SLC14A2: variants seen among roughly 807,000 people sequenced by gnomAD.
The protein encoded by SLC14A2 is solute carrier family 14 member 2, also known as urea transporter 2.
Under a neutral mutation model 104.6 loss-of-function variants are expected in SLC14A2, and 91 were observed. The observed-to-expected ratio is 0.87, with a 90% CI of 0.73 to 1.04. The LOEUF is 1.04. Ranked by LOEUF, SLC14A2 falls within the 50% of genes least tolerant of loss-of-function variation. SLC14A2 has a pLI of 0.00. For missense variants in SLC14A2, 1,189 were observed against 1,156.0 expected (o/e 1.03, Z -0.41); for synonymous variants, 476 against 466.4 (o/e 1.02, Z -0.27).
chr18:45,485,973 T>A (rs1445114615), intron 2 of SLC14A2, among the ~76,000 whole-genome samples: 1 of 151,918 alleles, frequency 6.6e-6, no homozygotes, highest in East Asian at 1.9e-4. Flanking sequence ...GTTTTTCTCA[T>A]CTGTCAAATC....
intron 2 of SLC14A2, among the ~76,000 whole-genome samples, chr18:45,554,739 G>T (rs911120000): frequency 3.3e-5 from 5 of 152,136 alleles, no homozygotes; most frequent in East Asian, 1.9e-4. Flanking sequence ...AGCAGGCAGG[G>T]TATAAGACCA....
intron 4 of SLC14A2, among the ~76,000 whole-genome samples, chr18:45,629,024 C>A (rs577251659): frequency 2.0e-5 from 3 of 152,186 alleles, no homozygotes; most frequent in African/African-American, 7.2e-5. Flanking sequence ...CAGTGGGTGG[C>A]AGGACTTAGG....
At chr18:45,671,788 C>T (rs1340530104) in intron 16 of SLC14A2, among the ~76,000 whole-genome samples, 1 of 152,034 alleles carries the variant, frequency 6.6e-6, no homozygotes, top group Non-Finnish European at 1.5e-5. Flanking sequence ...GAAGAGCGTC[C>T]TTGCCTTAAT....
chr18:45,216,363 G>A (rs1394008405), intron 1 of SLC14A2, among the ~76,000 whole-genome samples: 1 of 152,186 alleles, frequency 6.6e-6, no homozygotes, highest in Non-Finnish European at 1.5e-5. Flanking sequence ...GGGGGTGCCT[G>A]TGGCCTGTCC....
rs763235524 is a variant in SLC14A2 at position 45,624,768 on chromosome 18, C to T, written c.104C>T (p.Pro35Leu). ...FTSPSWPSTS[P>L]DTHPALPLLE... ...AGCCCGAGCTGGCCCTCGACATCCCCGGATACTCACCCAGCTCTGCCCCTC... is the reference window on the plus strand; with the variant it reads ...AGCCCGAGCTGGCCCTCGACATCCCTGGATACTCACCCAGCTCTGCCCCTC... Residue 35 changes from proline to leucine, a missense_variant, in exon 2 of 20, where the codon CCG becomes CTG. By Grantham distance (98) the Pro-to-Leu change is moderately conservative (BLOSUM62 -3). Transcript: ENST00000255226. 1.5e-5 allele frequency: 24 copies of T among 1,613,142 alleles called. No individual in the cohort carries two copies. The highest frequency in any genetic ancestry group is 1.8e-5 in the Non-Finnish European group (21 of 1,179,694).
At chr18:45,235,877 ATATATACATATATGTGTGTATG>A (rs2084225223) in intron 1 of SLC14A2, among the ~76,000 whole-genome samples, 3 of 127,414 alleles carry the variant, frequency 2.4e-5, no homozygotes, top group African/African-American at 9.3e-5. Flanking sequence ...GTATATATGT[ATATATACATATATGTGTGTATG>A]TATGTATATA....
chr18:45,327,518 T>C (rs2144252844), intron 1 of SLC14A2, among the ~76,000 whole-genome samples: 1 of 152,222 alleles, frequency 6.6e-6, no homozygotes, highest in South Asian at 2.1e-4. Flanking sequence ...ACTTTACCCA[T>C]TCAAAAACCC....
At chr18:45,520,039 CTT>C (rs1429898860) in intron 2 of SLC14A2, among the ~76,000 whole-genome samples, 3 of 152,214 alleles carry the variant, frequency 2.0e-5, no homozygotes, top group Non-Finnish European at 2.9e-5. Context: ...GCTTAGATCT[CTT>C]TGGGCCAATG....
chr18:45,674,998 G>T (rs1196912751), intron 18 of SLC14A2, among the ~76,000 whole-genome samples: 1 of 152,208 alleles, frequency 6.6e-6, no homozygotes, highest in African/African-American at 2.4e-5. Flanking sequence ...GCTGAGACAT[G>T]AAGCTAGGTC....
intron 1 of SLC14A2, among the ~76,000 whole-genome samples, chr18:45,399,095 T>C (rs2086067450): frequency 6.6e-6 from 1 of 152,166 alleles, no homozygotes; most frequent in Non-Finnish European, 1.5e-5. Flanking sequence ...AGAAGTAAAT[T>C]CTATGATTGC....
the SLC14A2 span, among the ~76,000 whole-genome samples, chr18:45,181,868 T>C: frequency 1.3e-5 from 2 of 152,188 alleles, no homozygotes; most frequent in Non-Finnish European, 2.9e-5. Flanking sequence ...ATAATGAGTT[T>C]CCATTAATAT....
chr18:45,527,543 G>T (rs548410463), intron 2 of SLC14A2, among the ~76,000 whole-genome samples: 1 of 152,198 alleles, frequency 6.6e-6, no homozygotes, highest in South Asian at 2.1e-4. Flanking sequence ...CAAAAAGAAA[G>T]ACAACATTTA....
At chr18:45,179,330 C>T in the SLC14A2 span, among the ~76,000 whole-genome samples, 1 of 152,210 alleles carries the variant, frequency 6.6e-6, no homozygotes, top group Non-Finnish European at 1.5e-5. Context: ...GCTTCCCTCT[C>T]TCCCATCAGC....
chr18:45,531,767 T>C (rs1479146131), intron 2 of SLC14A2, among the ~76,000 whole-genome samples: 1 of 152,152 alleles, frequency 6.6e-6, no homozygotes, highest in African/African-American at 2.4e-5. Context: ...AGACATGAAG[T>C]CCTTGCCCAT....
chr18:45,322,761 A>G (rs1266430806), intron 1 of SLC14A2, among the ~76,000 whole-genome samples: 1 of 152,206 alleles, frequency 6.6e-6, no homozygotes, highest in Non-Finnish European at 1.5e-5. Flanking sequence ...CCACACAGCA[A>G]TCTATTTGCA....
At chr18:45,636,945 C>G (rs369314368) in intron 5 of SLC14A2, 45 bp from the exon 6 acceptor site, 17 of 1,511,488 alleles carry the variant, frequency 1.1e-5, no homozygotes, top group Non-Finnish European at 1.4e-5. Context: ...CAATGTAGAC[C>G]TCAGGATGTC....
intron 2 of SLC14A2, among the ~76,000 whole-genome samples, chr18:45,500,723 A>G (rs1207212054): frequency 6.6e-6 from 1 of 152,216 alleles, no homozygotes; most frequent in East Asian, 1.9e-4. Context: ...TCTTTACTTC[A>G]CTGCACCCAG....
chr18:45,673,647 C>T (rs768295262), intron 17 of SLC14A2, 36 bp from the exon 18 acceptor site: 5 of 1,608,690 alleles, frequency 3.1e-6, no homozygotes, highest in Non-Finnish European at 4.3e-6. Flanking sequence ...CCCATAAGAC[C>T]CTAGACCCAA....
At chr18:45,358,063 G>A (rs1196160525) in intron 1 of SLC14A2, among the ~76,000 whole-genome samples, 1 of 152,172 alleles carries the variant, frequency 6.6e-6, no homozygotes, top group Non-Finnish European at 1.5e-5. Context: ...AGAGCAGAGA[G>A]GTTTGGTGGT....
Sources: allele counts gnomAD v4.1 joint callset (sites outside exome capture counted in the v4.1 genomes callset), GRCh38; gene constraint gnomAD v4.1.1; transcripts MANE v1.5; gene names NCBI Gene and HGNC (gene_info 2026-07-23, HGNC 2026-07-21).